Variants in FCHSD2 observed in about 807,000 individuals in gnomAD.
The protein encoded by FCHSD2 is FCH and double SH3 domains 2.
Under a neutral mutation model 108.1 loss-of-function variants are expected in FCHSD2, and 38 were observed. The ratio of observed to expected loss-of-function variants is 0.35; its 90% CI spans 0.27 to 0.46. The LOEUF (loss-of-function observed/expected upper bound fraction) is 0.46, where lower values mean the gene tolerates loss of function less well. Among genes scored for constraint, FCHSD2 ranks in the 20% least tolerant of loss-of-function variants. The probability of loss-of-function intolerance (pLI) is 1.00; values close to 1 mark genes in which losing one functional copy is unlikely to be tolerated. For synonymous variants in FCHSD2, 279 were observed against 314.7 expected (o/e 0.89, Z 1.20); for missense variants, 751 against 897.8 (o/e 0.84, Z 2.09).
intron 17 of FCHSD2, among the ~76,000 whole-genome samples, chr11:72,842,277 T>C (rs1490009114): frequency 6.6e-6 from 1 of 152,248 alleles, no homozygotes; most frequent in Admixed American, 6.5e-5. Flanking sequence ...CTAAGAGTTT[T>C]ACTACGTAAA....
chr11:72,905,185 T>C (rs1855602932), intron 9 of FCHSD2, among the ~76,000 whole-genome samples: 1 of 152,226 alleles, frequency 6.6e-6, no homozygotes, highest in Non-Finnish European at 1.5e-5. Flanking sequence ...CGGTAATTAT[T>C]GTCGGCTTGT....
At chr11:73,033,491 C>T (rs1314962542) in intron 3 of FCHSD2, among the ~76,000 whole-genome samples, 1 of 152,022 alleles carries the variant, frequency 6.6e-6, no homozygotes, top group Admixed American at 6.6e-5. Flanking sequence ...CATACTCTGA[C>T]CCCTCACATT....
chr11:72,873,410 C>T (rs1253127308), intron 12 of FCHSD2, among the ~76,000 whole-genome samples: 1 of 151,460 alleles, frequency 6.6e-6, no homozygotes, highest in East Asian at 1.9e-4. Flanking sequence ...TCTATTCAGA[C>T]CCTTTTCCCA....
Position 73,083,733 on chromosome 11 carries a change from T to C in FCHSD2, c.127A>G (p.Ser43Gly). 6.5e-7 allele frequency: 1 copy of C among 1,541,818 alleles called. No homozygotes were observed. The highest frequency in any genetic ancestry group is 1.4e-5 in the African/African-American group (1 of 73,028). Residue 43 changes from serine (S) to glycine (G), a missense_variant, in exon 3 of 20, where the codon AGT (serine) becomes GGT (glycine). Coordinates refer to ENST00000409418, the MANE Select transcript of FCHSD2 (RefSeq NM_014824.3). ...CDLLEDMRTF[S>G]QKKAAIEREY... is the part of the protein sequence containing the mutation. ...CTTTCAATAGCAGCCTTCTTCTGAC[T>C]GAATGTCCTAAAAATACAAAGAAAA...
intron 3 of FCHSD2, among the ~76,000 whole-genome samples, chr11:73,038,984 A>C (rs1374076431): frequency 6.6e-6 from 1 of 152,174 alleles, no homozygotes; most frequent in Non-Finnish European, 1.5e-5. Context: ...TAGTATTCAT[A>C]ATCTTCTATC....
At chr11:73,108,270 A>C (rs1241687251) in intron 2 of FCHSD2, among the ~76,000 whole-genome samples, 2 of 152,208 alleles carry the variant, frequency 1.3e-5, no homozygotes, top group African/African-American at 4.8e-5. Context: ...TTTTCCTATG[A>C]AGTTGTTTAA....
intron 2 of FCHSD2, among the ~76,000 whole-genome samples, chr11:73,101,824 T>C (rs1315140016): frequency 3.3e-5 from 5 of 151,762 alleles, no homozygotes; most frequent in African/African-American, 9.7e-5. Flanking sequence ...AAAAGCACTA[T>C]ACTAAGTAGA....
chr11:72,902,586 T>C lies in FCHSD2; in HGVS notation c.881A>G (p.His294Arg). 1 of 1,589,398 alleles carries C rather than the reference T, an allele frequency of 6.3e-7. No homozygotes were observed. ...CTGGAACTGGAAGGGCTGGGGTTTG[T>C]GAAATACAGCGTTTTCTTGCAAAAA... ...QLFLQENAVF[H>R]KPQPFQFQPC... The change falls in exon 10 of 20, where the codon CAC becomes CGC. Residue 294 changes from histidine (H) to arginine (R), a missense_variant. His to Arg is a conservative substitution (Grantham distance 29, BLOSUM62 0). Transcript: ENST00000409418.
intron 12 of FCHSD2, among the ~76,000 whole-genome samples, chr11:72,882,625 T>G (rs998825433): frequency 7.2e-5 from 11 of 152,222 alleles, no homozygotes; most frequent in African/African-American, 2.7e-4. Context: ...ACTGTATGCA[T>G]GTATCAAAAT....
At chr11:72,866,776 T>C (rs1033409968) in intron 13 of FCHSD2, among the ~76,000 whole-genome samples, 3 of 152,270 alleles carry the variant, frequency 2.0e-5, no homozygotes, top group Non-Finnish European at 4.4e-5. Flanking sequence ...TAGAATGCTA[T>C]GTGAAAAAAT....
At chr11:72,894,516 A>G (rs1174758300) in intron 10 of FCHSD2, among the ~76,000 whole-genome samples, 2 of 152,148 alleles carry the variant, frequency 1.3e-5, no homozygotes, top group African/African-American at 4.8e-5. Flanking sequence ...CTCAAAAAAT[A>G]TATATTAATA....
chr11:73,020,154 T>C (rs947489709), intron 3 of FCHSD2, among the ~76,000 whole-genome samples: 2 of 152,246 alleles, frequency 1.3e-5, no homozygotes, highest in African/African-American at 4.8e-5. Flanking sequence ...CAGTGTCTGA[T>C]GTTAGGCTTG....
intron 8 of FCHSD2, among the ~76,000 whole-genome samples, chr11:72,925,412 G>A (rs1856056802): frequency 6.6e-6 from 1 of 152,134 alleles, no homozygotes; most frequent in Non-Finnish European, 1.5e-5. Context: ...TATGATCTCA[G>A]CTACTTGGGA....
intron 3 of FCHSD2, among the ~76,000 whole-genome samples, chr11:73,045,625 G>A (rs1325801635): frequency 6.7e-6 from 1 of 150,016 alleles, no homozygotes; most frequent in Non-Finnish European, 1.5e-5. Context: ...GTAGGGACAT[G>A]GATGAAATTG....
intron 4 of FCHSD2, among the ~76,000 whole-genome samples, chr11:73,013,130 T>C (rs914198356): frequency 3.3e-5 from 5 of 152,206 alleles, no homozygotes; most frequent in African/African-American, 1.2e-4. Context: ...TATACTGTGA[T>C]ATGTAAAGTC....
intron 2 of FCHSD2, among the ~76,000 whole-genome samples, chr11:73,106,739 T>C (rs960044267): frequency 1.3e-5 from 2 of 152,152 alleles, no homozygotes; most frequent in African/African-American, 4.8e-5. Flanking sequence ...AAACTTACCA[T>C]TGTATCACAA....
chr11:72,933,499 G>C (rs1472624575), intron 8 of FCHSD2, among the ~76,000 whole-genome samples: 4 of 152,138 alleles, frequency 2.6e-5, no homozygotes, highest in Non-Finnish European at 2.9e-5. Context: ...AAATTCCTCT[G>C]TTTTGCCTAA....
chr11:72,952,337 T>C (rs1346940506), intron 8 of FCHSD2, among the ~76,000 whole-genome samples: 1 of 152,116 alleles, frequency 6.6e-6, no homozygotes, highest in Non-Finnish European at 1.5e-5. Context: ...ATCTTTTTTT[T>C]TTTTTGAGAC....
At position 73,142,213 on chromosome 11, in the gene FCHSD2, T is replaced by C. The variant is rs1861270386; in HGVS notation, c.-336A>G. On this transcript the variant is annotated 5_prime_UTR_variant, in exon 1 of 20. Transcript: ENST00000409418. ...GGGTCTCAGCCGGCCGGGCGGCGGG[T>C]TAGCCGCAGCCGCGTTGTCCGCGCT... The C allele has an allele frequency of 6.0e-6, 1 of 165,774 alleles. No individual in the cohort carries two copies. The allele number at this position is 165,774 out of a possible 1,614,324, so 10.3% of individuals were successfully genotyped here.
Sources: gnomAD v4.1 joint callset for allele counts (sites outside exome capture counted in the v4.1 genomes callset) on GRCh38, gnomAD v4.1.1 for gene constraint, MANE v1.5 for transcripts, NCBI Gene and HGNC (gene_info 2026-07-23, HGNC 2026-07-21) for gene names.